Variants in NCKAP1 observed in about 807,000 individuals in gnomAD.
The protein encoded by NCKAP1 is NCK associated protein 1, also known as nck-associated protein 1.
Under a neutral mutation model 151.2 loss-of-function variants are expected in NCKAP1, and 21 were observed. The ratio of observed to expected loss-of-function variants is 0.14; its 90% CI spans 0.10 to 0.20. The LOEUF (loss-of-function observed/expected upper bound fraction) is 0.20. Ranked by LOEUF, NCKAP1 falls within the 10% of genes least tolerant of loss-of-function variation. NCKAP1 has a pLI of 1.00. For missense variants in NCKAP1, 933 were observed against 1,352.1 expected (o/e 0.69, Z 4.86); for synonymous variants, 484 against 451.8 (o/e 1.07, Z -0.90).
rs924524962 is a variant in NCKAP1, at chr2:182,911,412, T to C, written c.*14290A>G. 6.6e-6 allele frequency: 1 copy of C among 152,168 alleles called. No homozygotes were observed. 9.4% of individuals were successfully genotyped at this position (152,168 alleles called of 1,614,324 possible). On this transcript the variant is annotated 3_prime_UTR_variant, in exon 31 of 31. Coordinates refer to ENST00000361354, the MANE Select transcript of NCKAP1 (RefSeq NM_013436.5). ...GGGGATTAATTCACAAAACAGCCTA[T>C]ACTATATGAATAAGACCAAAAAATG...
At chr2:183,029,549 C>T (rs1201017504) in intron 1 of NCKAP1, among the ~76,000 whole-genome samples, 1 of 151,648 alleles carries the variant, frequency 6.6e-6, no homozygotes, top group African/African-American at 2.4e-5. Flanking sequence ...AAAGACTGCT[C>T]AGTAGCTCAC....
Position 182,915,409 on chromosome 2 carries a change from G to T in NCKAP1, c.*10293C>A, listed in dbSNP as rs1696451772. On this transcript the variant is annotated 3_prime_UTR_variant, in exon 31 of 31. Transcript: ENST00000361354. ...ACTTGCCAGCAACCCTTGGACCTCT[G>T]CAAGGATGTGACAGGAATAGCACAA... 1 of 152,138 alleles carries T rather than the reference G, an allele frequency of 6.6e-6. No individual in the cohort carries two copies. The highest frequency in any genetic ancestry group is 2.4e-5 in the African/African-American group (1 of 41,440). 9.4% of individuals were successfully genotyped at this position (152,138 alleles called of 1,614,324 possible).
chr2:183,004,699 C>T (rs753677933), intron 2 of NCKAP1, among the ~76,000 whole-genome samples: 1 of 151,912 alleles, frequency 6.6e-6, no homozygotes, highest in Non-Finnish European at 1.5e-5. Flanking sequence ...GCCTGACCAA[C>T]ATGGTGAAAC....
At chr2:183,034,355 T>A (rs755832726) in intron 1 of NCKAP1, among the ~76,000 whole-genome samples, 1 of 148,916 alleles carries the variant, frequency 6.7e-6, no homozygotes, top group Non-Finnish European at 1.5e-5. Context: ...AATACTCCAC[T>A]TTAAAAAGTT....
Position 182,910,251 on chromosome 2 carries a change from T to C in NCKAP1, c.*15451A>G, listed in dbSNP as rs1696366228. 6.6e-6 allele frequency: 1 copy of C among 152,214 alleles called. No individual in the cohort carries two copies. The allele number at this position is 152,214 out of a possible 1,614,324, so 9.4% of individuals were successfully genotyped here. On this transcript the variant is annotated 3_prime_UTR_variant, in exon 31 of 31. Coordinates refer to ENST00000361354, the MANE Select transcript of NCKAP1 (RefSeq NM_013436.5). ...AGTAAACCTGCTGTGGGACAACCCT[T>C]GCCACCCCACTCAAGCTACAGTTTT...
intron 1 of NCKAP1, among the ~76,000 whole-genome samples, chr2:183,028,134 A>T (rs1164895089): frequency 1.3e-5 from 2 of 152,060 alleles, no homozygotes; most frequent in Non-Finnish European, 2.9e-5. Context: ...AAAAAAGGAA[A>T]GGTGAATACA....
At chr2:182,983,509 T>A (rs1031150878) in intron 10 of NCKAP1, 127 bp from the exon 11 acceptor site, 1 of 597,712 alleles carries the variant, frequency 1.7e-6, no homozygotes, top group Non-Finnish European at 2.9e-6. Context: ...CCTATAAAAA[T>A]CATCTTCTAT....
intron 2 of NCKAP1, among the ~76,000 whole-genome samples, chr2:183,017,859 A>G (rs1199251543): frequency 1.3e-5 from 2 of 152,240 alleles, no homozygotes; most frequent in Non-Finnish European, 2.9e-5. Flanking sequence ...AACAGCTTCC[A>G]TTCTTCAAGA....
chr2:183,003,006 T>C lies in NCKAP1; in HGVS notation c.337A>G (p.Thr113Ala), dbSNP rs1039399754. The change falls in exon 4 of 31, where the codon ACT (threonine) becomes GCT (alanine). Residue 113 changes from threonine (T) to alanine (A), a missense_variant. Physicochemically the swap from Thr to Ala is moderately conservative, Grantham distance 58. Transcript: ENST00000361354. ...AAGAAGACTTGGCAAACGTCAATAG[T>C]ATTCAGCAATTCACAAACATGGTCC... ...FKDHVCELLN[T>A]IDVCQVFFDI... is the part of the protein sequence containing the mutation. 8 of 1,608,684 alleles carry C rather than the reference T, an allele frequency of 5.0e-6. No homozygotes were observed. The African/African-American group carries it at 6.7e-5, about 13-fold the overall frequency.
chr2:182,976,340 G>T (rs1408864590), intron 15 of NCKAP1, among the ~76,000 whole-genome samples: 2 of 152,180 alleles, frequency 1.3e-5, no homozygotes, highest in South Asian at 4.1e-4. Flanking sequence ...GAAAATGGAA[G>T]TTTTTTGTAC....
chr2:182,997,297 G>C (rs764833796), intron 6 of NCKAP1, among the ~76,000 whole-genome samples: 26 of 152,226 alleles, frequency 1.7e-4, no homozygotes, highest in Non-Finnish European at 2.5e-4. Context: ...GCAGGCTTTA[G>C]GTTTAGTTCA....
At chr2:182,952,267 G>C (rs997853090) in intron 23 of NCKAP1, 138 bp downstream of exon 23, 4 of 552,434 alleles carry the variant, frequency 7.2e-6, no homozygotes, top group Non-Finnish European at 1.2e-5. Flanking sequence ...GGCCTTGCTA[G>C]CTATTTAATT....
Position 182,928,177 on chromosome 2 carries a change from A to G in NCKAP1, c.3120T>C (p.Ala1040=). ...HCLAKAINQI[A]AALFTIHKGS... is the part of the protein sequence containing the mutation. ...CTTTGTGAATTGTAAACAAAGCTGC[A>G]GCAATCTGGTTGATGGCTTTGGCCA... Residue 1040 remains alanine, a synonymous_variant, in exon 29 of 31, where the codon GCT becomes GCC. Coordinates refer to ENST00000361354, the MANE Select transcript of NCKAP1 (RefSeq NM_013436.5). 6.2e-7 allele frequency: 1 copy of G among 1,613,140 alleles called. No individual in the cohort carries two copies. Among genetic ancestry groups the G allele is most frequent in the Non-Finnish European group, 8.5e-7 (1 of 1,179,342 alleles).
intron 2 of NCKAP1, among the ~76,000 whole-genome samples, chr2:183,005,114 C>T (rs1471433265): frequency 6.6e-6 from 1 of 152,030 alleles, no homozygotes; most frequent in African/African-American, 2.4e-5. Context: ...TTACCTTATT[C>T]GACAACATTA....
chr2:183,013,340 T>G (rs1288384859), intron 2 of NCKAP1, among the ~76,000 whole-genome samples: 3 of 152,132 alleles, frequency 2.0e-5, no homozygotes, highest in Non-Finnish European at 4.4e-5. Flanking sequence ...CTGCATTCAC[T>G]GTACTACTCC....
At chr2:182,949,979 C>A (rs1166594704) in intron 23 of NCKAP1, among the ~76,000 whole-genome samples, 1 of 152,134 alleles carries the variant, frequency 6.6e-6, no homozygotes, top group African/African-American at 2.4e-5. Context: ...ACACATACAG[C>A]TGAATGAAGA....
chr2:182,971,232 A>G (rs1395861217), intron 15 of NCKAP1, among the ~76,000 whole-genome samples: 1 of 151,096 alleles, frequency 6.6e-6, no homozygotes, highest in Non-Finnish European at 1.5e-5. Context: ...GTCTCTACTA[A>G]AAATACAAAA....
chr2:183,003,780 T>C (rs1698416158), intron 2 of NCKAP1, among the ~76,000 whole-genome samples: 1 of 151,934 alleles, frequency 6.6e-6, no homozygotes. Context: ...AAATAAAATG[T>C]AGATACAAAC....
At chr2:182,935,560 G>A in intron 24 of NCKAP1, 185 bp from the exon 25 acceptor site, 1 of 439,248 alleles carries the variant, frequency 2.3e-6, no homozygotes, top group Non-Finnish European at 3.9e-6. Flanking sequence ...TATTTAAACT[G>A]GTTAAACTTT....
Sources: gnomAD v4.1 joint callset for allele counts (sites outside exome capture counted in the v4.1 genomes callset) on GRCh38, gnomAD v4.1.1 for gene constraint, MANE v1.5 for transcripts, NCBI Gene and HGNC (gene_info 2026-07-23, HGNC 2026-07-21) for gene names.